The following ADCY6 variants were observed in gnomAD, a reference collection of about 807,000 sequenced individuals.
ADCY6 encodes adenylate cyclase 6, also known as adenylate cyclase type 6.
A neutral mutation model predicts 111.6 loss-of-function variants in ADCY6; 59 were observed. The ratio of observed to expected loss-of-function variants is 0.53; its 90% CI spans 0.43 to 0.66. ADCY6 has a LOEUF of 0.66. Among genes scored for constraint, ADCY6 ranks in the 30% least tolerant of loss-of-function variants. The pLI, the probability that ADCY6 is intolerant of heterozygous loss-of-function variation, is 0.00. For synonymous variants in ADCY6, 576 were observed against 642.9 expected (o/e 0.90, Z 1.57); for missense variants, 1,242 against 1,595.6 (o/e 0.78, Z 3.78).
chr12:48,776,043 A>T lies in ADCY6; in HGVS notation c.1726T>A (p.Ser576Thr). 1 of 1,613,406 alleles carries T rather than the reference A, an allele frequency of 6.2e-7. No homozygotes were observed. Among genetic ancestry groups the T allele is most frequent in the Non-Finnish European group, 8.5e-7 (1 of 1,179,664 alleles). Residue 576 changes from serine to threonine, a missense_variant, in exon 9 of 22, where the codon TCC (serine) becomes ACC (threonine). Transcript: ENST00000357869. This position sits in a 1 kb window ranked among gnomAD's most constrained non-coding sequence, Gnocchi z 6.1. ...CAGCGCGGCATCAGCCCTTCCATGG[A>T]GTTGGCCCGAGTCCGCTGCAGCTTG... ...LAKLQRTRAN[S>T]MEGLMPRWVP...
chr12:48,769,211 G>A (rs1451279929), intron 20 of ADCY6, 150 bp from the exon 21 acceptor site: 5 of 810,762 alleles, frequency 6.2e-6, no homozygotes, highest in African/African-American at 3.5e-5. Context: ...AGTTCAAGAC[G>A]AGCCTGGCCA....
chr12:48,766,294 T>C lies in ADCY6; in HGVS notation c.*2297A>G, dbSNP rs1941376911. 6.5e-6 allele frequency: 1 copy of C among 152,750 alleles called. No homozygotes were observed. Among genetic ancestry groups the C allele is most frequent in the Admixed American group, 6.5e-5 (1 of 15,302 alleles). The allele number at this position is 152,750 out of a possible 1,614,324, so 9.5% of individuals were successfully genotyped here. On this transcript the variant is annotated 3_prime_UTR_variant, in exon 22 of 22. Coordinates refer to ENST00000357869, the MANE Select transcript of ADCY6 (RefSeq NM_015270.5). ...CCCCACCCCCACAGTGGTTACATTATAAAACCAAAGCCCACGGCCTCCCAC... is the reference window on the plus strand; with the variant it reads ...CCCCACCCCCACAGTGGTTACATTACAAAACCAAAGCCCACGGCCTCCCAC...
In ADCY6 at chr12:48,776,738, G is replaced by C. The variant is rs3730065; in HGVS notation, c.1377-152C>G. The C allele has an allele frequency of 3.1e-3, 3,257 of 1,051,072 alleles. 64 individuals are homozygous for C. The African/African-American group carries it at 0.044, about 14-fold the overall frequency. The allele number at this position is 1,051,072 out of a possible 1,614,324, so 65.1% of individuals were successfully genotyped here. A position where few individuals can be genotyped will look rare whatever the true frequency, so the allele number is the denominator to read the frequency against. On this transcript the variant is annotated intron_variant, in intron 6 of 21. Coordinates refer to ENST00000357869, the MANE Select transcript of ADCY6 (RefSeq NM_015270.5). The surrounding 1 kb of genome is among the most constrained non-coding windows in gnomAD (Gnocchi z 6.1). ...AGCCTTGGTTGGACATGAGCAGAAG[G>C]CTGCATGGGGCTCAAGGACAAATGT...
In ADCY6 at chr12:48,774,503, G is replaced by A; in HGVS notation, c.2182C>T (p.Leu728=). The part of the protein sequence containing the change: ...YSCGSLFPKA[L]QRLSRSIVRS... ...ACAATGCTGCGGGACAGACGTTGCA[G>A]GGCCTTAGGGAACAGCTAGAGGCAT... is the stretch of plus-strand genomic sequence containing the variant. Residue 728 remains leucine, a synonymous_variant, in exon 14 of 22, where the codon CTG becomes TTG. Transcript: ENST00000357869. 3.1e-6 allele frequency: 5 copies of A among 1,613,966 alleles called. No individual in the cohort carries two copies. In the South Asian group the frequency reaches 5.5e-5, roughly 18 times the overall value.
chr12:48,767,357 A>G lies in ADCY6; in HGVS notation c.*1234T>C, dbSNP rs1941403381. On this transcript the variant is annotated 3_prime_UTR_variant, in exon 22 of 22. Coordinates refer to ENST00000357869, the MANE Select transcript of ADCY6 (RefSeq NM_015270.5). ...GACTCCTCTCCCTCCTTTTGCTACC[A>G]CACCCCATCCCACTCCTGTGCAACC... 6.6e-6 allele frequency: 1 copy of G among 152,548 alleles called. No homozygotes were observed. 9.4% of individuals were successfully genotyped at this position (152,548 alleles called of 1,614,324 possible).
Position 48,774,015 on chromosome 12 carries a change from C to T in ADCY6, c.2367G>A (p.Leu789=). The T allele has an allele frequency of 1.2e-6, 2 of 1,613,406 alleles. No individual in the cohort carries two copies. The highest frequency in any genetic ancestry group is 1.7e-6 in the Non-Finnish European group (2 of 1,179,654). Residue 789 remains leucine (L), a synonymous_variant, in exon 15 of 22, where the codon CTG becomes CTA. Coordinates refer to ENST00000357869, the MANE Select transcript of ADCY6 (RefSeq NM_015270.5). ...LTPADITACH[L]QQLNYSLGLD... ...GGCCCAGAGAGTAATTGAGCTGCTG[C>T]AGGTGGCAGGCAGTGATGTCAGCAG...
rs1224737696 is a variant in ADCY6, at chr12:48,768,358, C to CGCTG, written c.*232_*233insCAGC. On this transcript the variant is annotated 3_prime_UTR_variant, in exon 22 of 22. Transcript: ENST00000357869. ...GCTGGAAGATTGGAGAGGGAACAGC[C>CGCTG]CTACCCCAAGTAAGAAAGAAAGTCA... 1.6e-6 allele frequency: 1 copy of CGCTG among 608,150 alleles called. No homozygotes were observed. The highest frequency in any genetic ancestry group is 1.9e-5 in the African/African-American group (1 of 53,902). 37.7% of individuals were successfully genotyped at this position (608,150 alleles called of 1,614,324 possible). A position where few individuals can be genotyped will look rare whatever the true frequency, so the allele number is the denominator to read the frequency against.
chr12:48,780,353 T>G (rs914019421), intron 2 of ADCY6, among the ~76,000 whole-genome samples: 5 of 152,040 alleles, frequency 3.3e-5, no homozygotes, highest in African/African-American at 4.8e-5. Context: ...GGGGTGGATC[T>G]GGGAAGGGGC....
In ADCY6 at chr12:48,775,345, G is replaced by T; in HGVS notation, c.1938C>A (p.Arg646=). The change falls in exon 11 of 22, where the codon CGC becomes CGA. Residue 646 remains arginine (R), a synonymous_variant. Coordinates refer to ENST00000357869, the MANE Select transcript of ADCY6 (RefSeq NM_015270.5). ...SIDQLRKDHV[R]RFLLTFQRED... Reference sequence around the variant, plus strand: ...CTCTCTGGAAGGTGAGCAGAAACCGGCGCACATGGTCCTTCCGCAGCTGAT... The same window carrying T: ...CTCTCTGGAAGGTGAGCAGAAACCGTCGCACATGGTCCTTCCGCAGCTGAT... 6.2e-7 allele frequency: 1 copy of T among 1,614,062 alleles called. No homozygotes were observed. The highest frequency in any genetic ancestry group is 8.5e-7 in the Non-Finnish European group (1 of 1,180,006).
rs200574206 is a variant in ADCY6 at position 48,774,724 on chromosome 12, G to C, written c.2133C>G (p.Thr711=). ...AGGAGTACACAGCACAGATCAGCAC[G>C]GTGATTAGCAGCAGCAGGAAGATGC... is the stretch of plus-strand genomic sequence containing the variant. ...YASIFLLLLI[T]VLICAVYSCG... Residue 711 remains threonine, a synonymous_variant, in exon 13 of 22, where the codon ACC becomes ACG. Transcript: ENST00000357869. 1.3e-4 allele frequency: 210 copies of C among 1,614,096 alleles called. 1 individual carries two copies. The highest frequency in any genetic ancestry group is 2.2e-5 in the East Asian group (1 of 44,884).
rs1941397795 is a variant in ADCY6 at position 48,767,148 on chromosome 12, G to T, written c.*1443C>A. 6.5e-6 allele frequency: 1 copy of T among 152,676 alleles called. No individual in the cohort carries two copies. The highest frequency in any genetic ancestry group is 2.1e-4 in the South Asian group (1 of 4,826). 9.5% of individuals were successfully genotyped at this position (152,676 alleles called of 1,614,324 possible). A position where few individuals can be genotyped will look rare whatever the true frequency, so the allele number is the denominator to read the frequency against. Reference sequence around the variant, plus strand: ...CTACCCCAGCCCCAAAGCATACCATGTCCCAGGACACTATCTGGGGAAGCC... The same window carrying T: ...CTACCCCAGCCCCAAAGCATACCATTTCCCAGGACACTATCTGGGGAAGCC... On this transcript the variant is annotated 3_prime_UTR_variant, in exon 22 of 22. Coordinates refer to ENST00000357869, the MANE Select transcript of ADCY6 (RefSeq NM_015270.5).
Position 48,771,309 on chromosome 12 carries a change from G to A in ADCY6, c.3052-339C>T. ...TGACTTCCCTCCAGAACAGTGAACA[G>A]CCCATTCCTGATCTGGATGTTCAGG... On this transcript the variant is annotated intron_variant, in intron 19 of 21. Transcript: ENST00000357869. This position sits in a 1 kb window ranked among gnomAD's most constrained non-coding sequence, Gnocchi z 4.3. The A allele has an allele frequency of 2.1e-6, 1 of 481,800 alleles. No homozygotes were observed. Among genetic ancestry groups the A allele is most frequent in the South Asian group, 2.2e-5 (1 of 45,400 alleles). 29.8% of individuals were successfully genotyped at this position (481,800 alleles called of 1,614,324 possible).
At position 48,774,074 on chromosome 12, in the gene ADCY6, G is replaced by A. The variant is rs778540538; in HGVS notation, c.2308C>T (p.Arg770Trp). Residue 770 changes from arginine to tryptophan, a missense_variant, in exon 15 of 22, where the codon CGG (arginine) becomes TGG (tryptophan). Coordinates refer to ENST00000357869, the MANE Select transcript of ADCY6 (RefSeq NM_015270.5). ...NMFTCNHTPIRSCAARMLNLT... is the reference protein window; with the variant it reads ...NMFTCNHTPIWSCAARMLNLT... Reference sequence around the variant, plus strand: ...TTCAGCATCCGGGCTGCACAGCTCCGTATGGGGGTGTGGTTACAGGTGAAC... The same window carrying A: ...TTCAGCATCCGGGCTGCACAGCTCCATATGGGGGTGTGGTTACAGGTGAAC... The A allele has an allele frequency of 1.6e-5, 26 of 1,610,384 alleles. No individual in the cohort carries two copies. The East Asian group carries it at 2.0e-4, about 12-fold the overall frequency.
At position 48,770,784 on chromosome 12, in the gene ADCY6, T is replaced by A. The variant is rs140931660; in HGVS notation, c.3238A>T (p.Asn1080Tyr). Reference sequence around the variant, plus strand: ...CTCTTACCAATCTTCATCTGGAAATTGTTGAAGGAGTGCTCATTGATGTGC... The same window carrying A: ...CTCTTACCAATCTTCATCTGGAAATAGTTGAAGGAGTGCTCATTGATGTGC... ...MKHINEHSFN[N>Y]FQMKIGLNMG... The change falls in exon 20 of 22, where the codon AAT becomes TAT. Residue 1080 changes from asparagine (N) to tyrosine (Y), a missense_variant. This residue lies in a region of ADCY6 where 245 missense variants were observed against 371.3 expected (regional missense o/e 0.66). Transcript: ENST00000357869. The A allele has an allele frequency of 2.0e-5, 33 of 1,613,870 alleles. No individual in the cohort carries two copies. Among genetic ancestry groups the A allele is most frequent in the African/African-American group, 5.3e-5 (4 of 74,884 alleles).
In ADCY6 at chr12:48,776,658, C is replaced by T. The variant is rs1424261285; in HGVS notation, c.1377-72G>A. The T allele has an allele frequency of 3.9e-6, 6 of 1,535,324 alleles. No individual in the cohort carries two copies. The highest frequency in any genetic ancestry group is 5.2e-6 in the Non-Finnish European group (6 of 1,143,986). ...CCCAGCCCACAACCCAGGCCCTTCA[C>T]TCCTCTCAGGGCCCAGCGGGCAAGG... On this transcript the variant is annotated intron_variant, in intron 6 of 21. Coordinates refer to ENST00000357869, the MANE Select transcript of ADCY6 (RefSeq NM_015270.5). The surrounding 1 kb of genome is among the most constrained non-coding windows in gnomAD (Gnocchi z 6.1).
rs144695278 is a variant in ADCY6, at chr12:48,775,348, C to T, written c.1935G>A (p.Val645=). Residue 645 remains valine, a synonymous_variant, in exon 11 of 22, where the codon GTG becomes GTA. Transcript: ENST00000357869. ...RSIDQLRKDH[V]RRFLLTFQRE... is the part of the protein sequence containing the mutation. ...TCTGGAAGGTGAGCAGAAACCGGCGCACATGGTCCTTCCGCAGCTGATCAA... is the reference window on the plus strand; with the variant it reads ...TCTGGAAGGTGAGCAGAAACCGGCGTACATGGTCCTTCCGCAGCTGATCAA... 820 of 1,614,032 alleles carry T rather than the reference C, an allele frequency of 5.1e-4. No homozygotes were observed. The highest frequency in any genetic ancestry group is 6.9e-4 in the East Asian group (31 of 44,884).
chr12:48,783,292 C>G lies in ADCY6; in HGVS notation c.143G>C (p.Arg48Pro). Residue 48 changes from arginine to proline, a missense_variant, in exon 2 of 22, where the codon CGG becomes CCG. Physicochemically the swap from Arg to Pro is moderately radical, Grantham distance 103. Coordinates refer to ENST00000357869, the MANE Select transcript of ADCY6 (RefSeq NM_015270.5). Reference protein sequence around the residue: ...FCTPRYMSCLRDAEPPSPTPA... With the variant: ...FCTPRYMSCLPDAEPPSPTPA... ...GGTGGGGCTGGGTGGCTCTGCATCC[C>G]GGAGGCAGCTCATATAGCGGGGCGT... is the stretch of plus-strand genomic sequence containing the variant. 1 of 1,612,888 alleles carries G rather than the reference C, an allele frequency of 6.2e-7. No homozygotes were observed. The highest frequency in any genetic ancestry group is 1.1e-5 in the South Asian group (1 of 91,032).
chr12:48,775,868 G>A (rs1371168943), intron 9 of ADCY6, 95 bp downstream of exon 9: 3 of 1,532,356 alleles, frequency 2.0e-6, no homozygotes, highest in Non-Finnish European at 2.6e-6. Context: ...AAGCATACAT[G>A]GAAATGGCAG....
At chr12:48,775,913 G>C (rs765564032) in intron 9 of ADCY6, 50 bp downstream of exon 9, 2 of 1,565,528 alleles carry the variant, frequency 1.3e-6, no homozygotes, top group Non-Finnish European at 1.7e-6. Context: ...ACAGGGTATT[G>C]AGGGAGCTAA....
Sources: gnomAD v4.1 joint callset for allele counts (sites outside exome capture counted in the v4.1 genomes callset) on GRCh38, gnomAD v4.1.1 for gene constraint, gnomAD v4.1.1 regional missense constraint, Gnocchi (gnomAD v3.1) non-coding constraint, MANE v1.5 for transcripts, NCBI Gene and HGNC (gene_info 2026-07-23, HGNC 2026-07-21) for gene names.